The following AP2B1 variants were observed in gnomAD, a reference collection of about 807,000 sequenced individuals.
The protein encoded by AP2B1 is adaptor related protein complex 2 subunit beta 1.
In AP2B1, 23 loss-of-function variants were observed where a neutral mutation model predicts 102.0. The observed-to-expected ratio is 0.23, with a 90% confidence interval of 0.16 to 0.32. The LOEUF (loss-of-function observed/expected upper bound fraction) is 0.32. Among genes scored for constraint, AP2B1 ranks in the 10% least tolerant of loss-of-function variants. The pLI, the probability that AP2B1 is intolerant of heterozygous loss-of-function variation, is 1.00. For synonymous variants in AP2B1, 381 were observed against 421.2 expected (o/e 0.90, Z 1.17); for missense variants, 541 against 1,157.4 (o/e 0.47, Z 7.73).
intron 19 of AP2B1, 130 bp from the exon 20 acceptor site, chr17:35,710,104 T>C: frequency 1.4e-6 from 1 of 711,836 alleles, no homozygotes; most frequent in Admixed American, 2.0e-5. Context: ...CAGCATTGGC[T>C]CCATTCCCAG....
intron 21 of AP2B1, among the ~76,000 whole-genome samples, chr17:35,718,178 T>C (rs587713680): frequency 4.9e-4 from 67 of 136,302 alleles, no homozygotes; most frequent in African/African-American, 1.9e-3. Context: ...CTGAGAAAAC[T>C]CTGTGACCCG....
chr17:35,636,753 A>G (rs1029001617), intron 10 of AP2B1, among the ~76,000 whole-genome samples: 1 of 152,230 alleles, frequency 6.6e-6, no homozygotes, highest in African/African-American at 2.4e-5. Context: ...ACATCTATAT[A>G]TTCTAGGTTG....
chr17:35,711,283 C>G (rs1488007701), intron 20 of AP2B1, among the ~76,000 whole-genome samples: 1 of 152,074 alleles, frequency 6.6e-6, no homozygotes, highest in Non-Finnish European at 1.5e-5. Context: ...CCTCTTTCCT[C>G]ATTTACCCCT....
In AP2B1 at chr17:35,682,719, T is replaced by C. The variant is rs2075850607; in HGVS notation, c.2349T>C (p.Pro783=). Residue 783 remains proline (P), a synonymous_variant, in exon 18 of 22, where the codon CCT becomes CCC. Coordinates refer to ENST00000610402, the MANE Select transcript of AP2B1 (RefSeq NM_001030006.2). ...GCTTTGGTGTCATCCCCAGCACTCCTCTGGCCATCCATACACCACTGATGC... is the reference window on the plus strand; with the variant it reads ...GCTTTGGTGTCATCCCCAGCACTCCCCTGGCCATCCATACACCACTGATGC... The part of the protein sequence containing the change: ...KNSFGVIPST[P]LAIHTPLMPN... The C allele has an allele frequency of 6.2e-7, 1 of 1,612,222 alleles. No homozygotes were observed. Among genetic ancestry groups the C allele is most frequent in the Admixed American group, 1.7e-5 (1 of 59,962 alleles).
At chr17:35,705,771 C>T (rs1434436929) in intron 18 of AP2B1, among the ~76,000 whole-genome samples, 1 of 152,144 alleles carries the variant, frequency 6.6e-6, no homozygotes, top group African/African-American at 2.4e-5. Flanking sequence ...ATCCGCCTGC[C>T]TCAGCTTCCC....
intron 12 of AP2B1, among the ~76,000 whole-genome samples, chr17:35,649,892 GATGGGACTACAGGTAC>G (rs2075042595): frequency 6.6e-6 from 1 of 151,814 alleles, no homozygotes; most frequent in South Asian, 2.1e-4. Context: ...TTCCTGAGTA[GATGGGACTACAGGTAC>G]ATGCGGCTCT....
At chr17:35,639,805 T>C in intron 11 of AP2B1, 45 bp downstream of exon 11, 1 of 1,565,100 alleles carries the variant, frequency 6.4e-7, no homozygotes, top group Non-Finnish European at 8.7e-7. Flanking sequence ...TAGATGTCTT[T>C]GGGGAGATTT....
intron 5 of AP2B1, among the ~76,000 whole-genome samples, chr17:35,614,661 A>AAG (rs1321303088): frequency 1.3e-5 from 2 of 151,214 alleles, no homozygotes; most frequent in Non-Finnish European, 3.0e-5. Context: ...TTAGTAAAAA[A>AAG]AAAAAAAAAA....
intron 18 of AP2B1, among the ~76,000 whole-genome samples, chr17:35,692,469 G>T (rs226085): frequency 0.36 from 54,199 of 151,920 alleles, 9,860 homozygotes; most frequent in East Asian, 0.45. Context: ...TGCAGTAGAG[G>T]ACTTTGAATT....
At chr17:35,696,220 T>C (rs780255442) in intron 18 of AP2B1, among the ~76,000 whole-genome samples, 11 of 152,116 alleles carry the variant, frequency 7.2e-5, no homozygotes, top group Non-Finnish European at 1.5e-4. Flanking sequence ...TTTAATTGAC[T>C]ATTGTCCTTG....
intron 9 of AP2B1, among the ~76,000 whole-genome samples, chr17:35,630,253 A>G (rs1051796169): frequency 1.3e-5 from 2 of 152,172 alleles, no homozygotes; most frequent in Non-Finnish European, 2.9e-5. Flanking sequence ...CCTGGGTTCT[A>G]TTCCTGGTTC....
At chr17:35,656,646 A>G (rs1419300574) in intron 13 of AP2B1, among the ~76,000 whole-genome samples, 7 of 152,130 alleles carry the variant, frequency 4.6e-5, no homozygotes, top group African/African-American at 1.7e-4. Context: ...CTGTAATCCC[A>G]GCACTTTGGG....
chr17:35,636,355 C>A lies in AP2B1; in HGVS notation c.1170C>A (p.Arg390=), dbSNP rs1402443420. Residue 390 remains arginine, a synonymous_variant, in exon 10 of 22, where the codon CGC becomes CGA. Transcript: ENST00000610402. ...CAIKVEQSAE[R]CVSTLLDLIQ... ...TTTCTTCCCAGCAATCTGCAGAGCGCTGTGTAAGCACATTGCTTGATCTAA... is the reference window on the plus strand; with the variant it reads ...TTTCTTCCCAGCAATCTGCAGAGCGATGTGTAAGCACATTGCTTGATCTAA... The A allele has an allele frequency of 1.2e-6, 2 of 1,613,212 alleles. No individual in the cohort carries two copies. The highest frequency in any genetic ancestry group is 2.7e-5 in the African/African-American group (2 of 74,918).
chr17:35,669,409 T>A (rs556457009), intron 14 of AP2B1, among the ~76,000 whole-genome samples: 1 of 152,200 alleles, frequency 6.6e-6, no homozygotes, highest in South Asian at 2.1e-4. Flanking sequence ...CCCAAAGTGC[T>A]GGGATTACAG....
At chr17:35,655,354 G>C (rs1281090236) in intron 13 of AP2B1, among the ~76,000 whole-genome samples, 4 of 152,178 alleles carry the variant, frequency 2.6e-5, no homozygotes, top group Non-Finnish European at 5.9e-5. Flanking sequence ...GCACACTCCA[G>C]AGATTACCAC....
At chr17:35,595,455 G>C (rs1468342174) in intron 2 of AP2B1, among the ~76,000 whole-genome samples, 1 of 152,164 alleles carries the variant, frequency 6.6e-6, no homozygotes, top group Non-Finnish European at 1.5e-5. Flanking sequence ...GCTGAGGTGG[G>C]AGGATCACTT....
intron 20 of AP2B1, chr17:35,713,748 G>A (rs1177672523): frequency 6.6e-6 from 1 of 152,214 alleles, no homozygotes; most frequent in East Asian, 1.9e-4. Context: ...AATAAAGAAA[G>A]AGACCCTCTT....
chr17:35,655,560 A>C (rs76102595), intron 13 of AP2B1, among the ~76,000 whole-genome samples: 6 of 152,026 alleles, frequency 3.9e-5, no homozygotes, highest in Non-Finnish European at 8.8e-5. Flanking sequence ...TATATCTTCT[A>C]TTGCACCTTT....
chr17:35,607,910 G>C, intron 4 of AP2B1: 1 of 517,496 alleles, frequency 1.9e-6, no homozygotes, highest in African/African-American at 1.9e-5. Context: ...ATCCTGCTGA[G>C]CTGTTTCTCA....
Sources: allele counts gnomAD v4.1 joint callset (sites outside exome capture counted in the v4.1 genomes callset), GRCh38; gene constraint gnomAD v4.1.1; transcripts MANE v1.5; gene names NCBI Gene and HGNC (gene_info 2026-07-23, HGNC 2026-07-21).